Variants in KIF15 observed in about 807,000 individuals in gnomAD.
The protein encoded by KIF15 is kinesin-like protein KIF15.
A neutral mutation model predicts 190.6 loss-of-function variants in KIF15; 140 were observed. The ratio of observed to expected loss-of-function variants is 0.73; its 90% CI spans 0.64 to 0.84. The LOEUF (loss-of-function observed/expected upper bound fraction) is 0.84. Ranked by LOEUF, KIF15 falls within the 40% of genes least tolerant of loss-of-function variation. The pLI is 0.00. For synonymous variants in KIF15, 528 were observed against 551.3 expected, an observed-to-expected ratio of 0.96 and a Z score of 0.59; for missense variants, 1,372 against 1,584.4, an observed-to-expected ratio of 0.87 and a Z score of 2.28.
At chr3:44,774,466 C>T in intron 2 of KIF15, 29 bp downstream of exon 2, 1 of 1,570,740 alleles carries the variant, frequency 6.4e-7, no homozygotes, top group Non-Finnish European at 8.8e-7. Context: ...TCAATGAGCT[C>T]CCAAAGGACT....
chr3:44,861,727 A>G, intron 6 of KIF15: 1 of 545,288 alleles, frequency 1.8e-6, no homozygotes. Context: ...AACCTACTAC[A>G]GGTTAGGCCG....
intron 30 of KIF15, among the ~76,000 whole-genome samples, chr3:44,844,240 G>A (rs1002219809): frequency 1.3e-5 from 2 of 152,252 alleles, no homozygotes; most frequent in Non-Finnish European, 2.9e-5. Context: ...AGGCAGGAGA[G>A]ATTTGAGGAT....
intron 17 of KIF15, 104 bp from the exon 18 acceptor site, chr3:44,812,078 T>G (rs1447290011): frequency 4.9e-6 from 4 of 811,026 alleles, no homozygotes; most frequent in Non-Finnish European, 8.0e-6. Context: ...AGGTTTTGAA[T>G]TTGTTTTGTT....
intron 19 of KIF15, among the ~76,000 whole-genome samples, chr3:44,814,283 AT>A (rs202132859): frequency 0.019 from 2,839 of 151,816 alleles, 76 homozygotes; most frequent in African/African-American, 0.064. Flanking sequence ...ACATCTTTTA[AT>A]TTTTTTTTCT....
At chr3:44,772,076 A>G (rs1705664319) in intron 1 of KIF15, among the ~76,000 whole-genome samples, 1 of 152,144 alleles carries the variant, frequency 6.6e-6, no homozygotes, top group Non-Finnish European at 1.5e-5. Context: ...CTTTAGGCCA[A>G]TTAATTAGAA....
chr3:44,841,775 A>G (rs1196002998), intron 29 of KIF15, among the ~76,000 whole-genome samples: 1 of 152,236 alleles, frequency 6.6e-6, no homozygotes, highest in Non-Finnish European at 1.5e-5. Context: ...ACTGAAAGGT[A>G]GACAGAGAAA....
chr3:44,813,021 G>C, intron 18 of KIF15, 54 bp from the exon 19 acceptor site: 1 of 1,010,260 alleles, frequency 9.9e-7, no homozygotes, highest in South Asian at 1.5e-5. Flanking sequence ...GATTTGGAGT[G>C]CATCTTAGCA....
At chr3:44,765,679 TGTGACTCCA>T (rs2125889290) in intron 1 of KIF15, among the ~76,000 whole-genome samples, 1 of 152,342 alleles carries the variant, frequency 6.6e-6, no homozygotes, top group African/African-American at 2.4e-5. Flanking sequence ...TCATATTTCT[TGTGACTCCA>T]GTGTAGCTAC....
intron 1 of KIF15, 105 bp from the exon 2 acceptor site, chr3:44,774,290 A>T: frequency 1.1e-6 from 1 of 900,270 alleles, no homozygotes; most frequent in South Asian, 1.5e-5. Flanking sequence ...AAAGTCAGGG[A>T]TCTGAGGAGG....
intron 17 of KIF15, among the ~76,000 whole-genome samples, chr3:44,811,854 G>A (rs1009741659): frequency 3.3e-5 from 5 of 152,098 alleles, no homozygotes; most frequent in East Asian, 1.9e-4. Context: ...GGAGGTAACC[G>A]CTTGCAGCCC....
intron 25 of KIF15, among the ~76,000 whole-genome samples, chr3:44,830,454 T>C (rs765389200): frequency 6.6e-6 from 1 of 152,178 alleles, no homozygotes; most frequent in African/African-American, 2.4e-5. Flanking sequence ...CAGTAGCACA[T>C]TGCAGTTAAG....
intron 6 of KIF15, among the ~76,000 whole-genome samples, chr3:44,859,340 G>A (rs1699216775): frequency 6.6e-6 from 1 of 152,186 alleles, no homozygotes; most frequent in Non-Finnish European, 1.5e-5. Context: ...ATTAGGTCCT[G>A]TTGTGGGTTT....
At chr3:44,798,002 A>C in intron 10 of KIF15, 46 bp downstream of exon 10, 1 of 1,529,610 alleles carries the variant, frequency 6.5e-7, no homozygotes. Flanking sequence ...GAAAAATACT[A>C]AAGCTTACAG....
intron 5 of KIF15, among the ~76,000 whole-genome samples, chr3:44,783,357 T>A (rs1706254481): frequency 6.7e-6 from 1 of 149,700 alleles, no homozygotes; most frequent in South Asian, 2.1e-4. Flanking sequence ...GAGAGGAAAG[T>A]GAGAGAGAGA....
At chr3:44,825,959 A>G in intron 20 of KIF15, 80 bp from the exon 21 acceptor site, 1 of 1,280,330 alleles carries the variant, frequency 7.8e-7, no homozygotes, top group Non-Finnish European at 1.1e-6. Context: ...TAGATGAGAT[A>G]AATTGAACTG....
At chr3:44,798,840 G>A (rs1707121896) in intron 10 of KIF15, among the ~76,000 whole-genome samples, 1 of 152,164 alleles carries the variant, frequency 6.6e-6, no homozygotes. Flanking sequence ...TATGTCTGGA[G>A]ATAGGGTGAG....
chr3:44,827,690 CTTCTTTTTTT>C (rs1697748066), intron 23 of KIF15, among the ~76,000 whole-genome samples, 162 bp downstream of exon 23: 1 of 151,718 alleles, frequency 6.6e-6, no homozygotes, highest in African/African-American at 2.4e-5. Context: ...TTATTTTTTT[CTTCTTTTTTT>C]AAGATAGTTT....
chr3:44,803,318 C>A (rs2125641747), intron 14 of KIF15, among the ~76,000 whole-genome samples: 1 of 152,252 alleles, frequency 6.6e-6, no homozygotes, highest in African/African-American at 2.4e-5. Flanking sequence ...AAGTCTTTAA[C>A]TAATCAAACG....
chr3:44,805,170 T>A lies in KIF15; in HGVS notation c.1829+2T>A, dbSNP rs1158290646. 2 of 1,609,714 alleles carry A rather than the reference T, an allele frequency of 1.2e-6. No individual in the cohort carries two copies. The highest frequency in any genetic ancestry group is 1.7e-5 in the Admixed American group (1 of 59,386). The stretch of plus-strand genomic sequence containing the variant: ...TGAAGAATTCAAAGAACTTACTAGG[T>A]AAAGTCTAAATACACATGCATGCAC... On this transcript the variant is annotated splice_donor_variant, in intron 15 of 34. Coordinates refer to ENST00000326047, the MANE Select transcript of KIF15 (RefSeq NM_020242.3). LOFTEE classifies it high-confidence loss of function.
Sources: allele counts gnomAD v4.1 joint callset (sites outside exome capture counted in the v4.1 genomes callset), GRCh38; gene constraint gnomAD v4.1.1; transcripts MANE v1.5; gene names NCBI Gene and HGNC (gene_info 2026-07-23, HGNC 2026-07-21).